ENOX1: variants seen among roughly 807,000 people sequenced by gnomAD.
ENOX1 encodes candidate growth-related and time keeping constitutive hydroquinone (NADH) oxidase.
Under a neutral mutation model 82.5 loss-of-function variants are expected in ENOX1, and 42 were observed. The observed-to-expected ratio is 0.51, with a 90% confidence interval of 0.40 to 0.66. ENOX1 has a LOEUF of 0.66. ENOX1 is among the 30% of genes least tolerant of loss of function. The probability of loss-of-function intolerance (pLI) is 0.00; values close to 1 mark genes in which losing one functional copy is unlikely to be tolerated. For synonymous variants in ENOX1, 271 were observed against 282.2 expected (o/e 0.96, Z 0.40); for missense variants, 608 against 811.6 (o/e 0.75, Z 3.05).
intron 2 of ENOX1, among the ~76,000 whole-genome samples, chr13:43,653,155 G>A (rs761520198): frequency 6.6e-6 from 1 of 152,192 alleles, no homozygotes; most frequent in African/African-American, 2.4e-5. Flanking sequence ...CTGGAGGTGT[G>A]TTTATCACTG....
At chr13:43,449,952 T>C (rs1399315773) in intron 3 of ENOX1, among the ~76,000 whole-genome samples, 1 of 152,218 alleles carries the variant, frequency 6.6e-6, no homozygotes, top group Admixed American at 6.5e-5. Context: ...TTTCATTTGT[T>C]TTTAACATTT....
chr13:43,600,252 T>A (rs929033713), intron 2 of ENOX1, among the ~76,000 whole-genome samples: 1 of 152,138 alleles, frequency 6.6e-6, no homozygotes, highest in Admixed American at 6.5e-5. Context: ...ATTCCAGGTG[T>A]TGACTCTTGC....
chr13:43,492,502 G>A (rs1043208057), intron 2 of ENOX1, among the ~76,000 whole-genome samples: 3 of 152,082 alleles, frequency 2.0e-5, no homozygotes, highest in Non-Finnish European at 4.4e-5. Context: ...CTTAACTCAG[G>A]TCACTTCTGA....
chr13:43,235,973 C>T (rs1244162994), intron 15 of ENOX1, among the ~76,000 whole-genome samples: 6 of 152,156 alleles, frequency 3.9e-5, no homozygotes, highest in Non-Finnish European at 7.4e-5. Context: ...GCTTCAAAGA[C>T]AGCCTTAAAC....
chr13:43,716,964 G>T (rs1440422847), intron 1 of ENOX1, among the ~76,000 whole-genome samples: 1 of 152,106 alleles, frequency 6.6e-6, no homozygotes, highest in Non-Finnish European at 1.5e-5. Flanking sequence ...TGATGATACT[G>T]CCCAAAGCAA....
intron 9 of ENOX1, among the ~76,000 whole-genome samples, chr13:43,333,889 C>T (rs1324656342): frequency 6.6e-6 from 1 of 152,240 alleles, no homozygotes; most frequent in Non-Finnish European, 1.5e-5. Flanking sequence ...TCGCAAAGTG[C>T]TGGGATTACA....
At chr13:43,741,749 C>A (rs78968392) in intron 1 of ENOX1, among the ~76,000 whole-genome samples, 3,101 of 152,188 alleles carry the variant, frequency 0.02, 54 homozygotes, top group Non-Finnish European at 0.031. Context: ...TTGACGAAGT[C>A]CAATTTATCT....
At chr13:43,272,897 A>C (rs1176971171) in intron 12 of ENOX1, among the ~76,000 whole-genome samples, 1 of 152,194 alleles carries the variant, frequency 6.6e-6, no homozygotes, top group Non-Finnish European at 1.5e-5. Flanking sequence ...TTTAATCCCT[A>C]GTACTCTACT....
rs568308906 is a variant in ENOX1 at position 43,370,062 on chromosome 13, C to T, written c.209-8610G>A. On this transcript the variant is annotated intron_variant, in intron 5 of 16. Coordinates refer to ENST00000690772, the MANE Select transcript of ENOX1 (RefSeq NM_001347969.2). ...ACCCTCAGGTTTGTGAACTGTAGCA[C>T]GTGCTTACAGAAATATCTTCTTGGG... Among the ~76,000 whole-genome samples, 15 of 152,326 alleles carry T rather than the reference C, an allele frequency of 9.8e-5. No individual in the cohort carries two copies. The South Asian group carries it at 1.9e-3, about 19-fold the overall frequency.
At chr13:43,512,430 G>A (rs895515832) in intron 2 of ENOX1, among the ~76,000 whole-genome samples, 2 of 152,174 alleles carry the variant, frequency 1.3e-5, no homozygotes, top group East Asian at 1.9e-4. Flanking sequence ...GTGAGCTGCC[G>A]AATGGCACAC....
At chr13:43,410,659 TA>T (rs1481564460) in intron 5 of ENOX1, among the ~76,000 whole-genome samples, 16 of 150,460 alleles carry the variant, frequency 1.1e-4, no homozygotes, top group African/African-American at 3.9e-4. Context: ...CACATATTAC[TA>T]CAGTTAATTT....
intron 14 of ENOX1, among the ~76,000 whole-genome samples, chr13:43,258,223 C>T (rs1007919791): frequency 1.3e-5 from 2 of 152,202 alleles, no homozygotes; most frequent in African/African-American, 4.8e-5. Context: ...TCTAATCCTT[C>T]CTTGGAGCTC....
At chr13:43,443,116 C>T (rs2056445838) in intron 3 of ENOX1, among the ~76,000 whole-genome samples, 1 of 152,068 alleles carries the variant, frequency 6.6e-6, no homozygotes, top group African/African-American at 2.4e-5. Context: ...AAAATGTTTT[C>T]TATAAACAGC....
chr13:43,542,735 A>G (rs909161470), intron 2 of ENOX1, among the ~76,000 whole-genome samples: 5 of 152,176 alleles, frequency 3.3e-5, no homozygotes, highest in South Asian at 2.1e-4. Flanking sequence ...GGTGCCAGCC[A>G]TAAGTGTCAT....
chr13:43,374,073 T>G (rs12184637), intron 5 of ENOX1, among the ~76,000 whole-genome samples: 6,661 of 137,646 alleles, frequency 0.048, 512 homozygotes, highest in African/African-American at 0.17. Flanking sequence ...TCCCTTCCCC[T>G]CCCTTGCCTT....
At chr13:43,480,233 CT>C (rs1319230384) in intron 3 of ENOX1, among the ~76,000 whole-genome samples, 4 of 152,166 alleles carry the variant, frequency 2.6e-5, no homozygotes, top group Non-Finnish European at 5.9e-5. Flanking sequence ...GCCACTGCAC[CT>C]GGCTGGTTAC....
chr13:43,358,012 G>T, intron 7 of ENOX1, among the ~76,000 whole-genome samples: 1 of 152,142 alleles, frequency 6.6e-6, no homozygotes, highest in Non-Finnish European at 1.5e-5. Flanking sequence ...TGGAGGTGAG[G>T]CCTAGCTGTC....
At chr13:43,503,777 G>C (rs1050517874) in intron 2 of ENOX1, among the ~76,000 whole-genome samples, 2 of 151,618 alleles carry the variant, frequency 1.3e-5, no homozygotes, top group African/African-American at 2.4e-5. Flanking sequence ...CCATAATGTT[G>C]ACTTCAGCAA....
Position 43,523,710 on chromosome 13 carries a change from G to T in ENOX1, c.-218-39558C>A, listed in dbSNP as rs193180498. Among the ~76,000 whole-genome samples, 264 of 152,174 alleles carry T rather than the reference G, an allele frequency of 1.7e-3. 2 individuals are homozygous for T. Among genetic ancestry groups the T allele is most frequent in the African/African-American group, 5.0e-3 (209 of 41,526 alleles). On this transcript the variant is annotated intron_variant, in intron 2 of 16. Transcript: ENST00000690772. Reference sequence around the variant, plus strand: ...TCTCATTCCCTCCATCCTCCTGGTAGCCTCTGAGGCCCCCTATGCTAGAAG... The same window carrying T: ...TCTCATTCCCTCCATCCTCCTGGTATCCTCTGAGGCCCCCTATGCTAGAAG...
Sources: gnomAD v4.1 joint callset for allele counts (sites outside exome capture counted in the v4.1 genomes callset) on GRCh38, gnomAD v4.1.1 for gene constraint, MANE v1.5 for transcripts, NCBI Gene and HGNC (gene_info 2026-07-23, HGNC 2026-07-21) for gene names.